NDRG2: variants seen among roughly 807,000 people sequenced by gnomAD.
The protein encoded by NDRG2 is protein NDRG2.
A neutral mutation model predicts 58.2 loss-of-function variants in NDRG2; 34 were observed. The ratio of observed to expected loss-of-function variants is 0.58; its 90% CI spans 0.44 to 0.78. The LOEUF is 0.78. NDRG2 is among the 30% of genes least tolerant of loss of function. The pLI, the probability that NDRG2 is intolerant of heterozygous loss-of-function variation, is 0.00. For missense variants in NDRG2, 434 were observed against 471.2 expected (o/e 0.92, Z 0.73); for synonymous variants, 187 against 175.9 (o/e 1.06, Z -0.50).
At chr14:21,050,492 T>TA (rs1351955009) in intron 1 of NDRG2, among the ~76,000 whole-genome samples, 1 of 152,226 alleles carries the variant, frequency 6.6e-6, no homozygotes, top group Non-Finnish European at 1.5e-5. Context: ...GAATTTGGCA[T>TA]ATCCAGAACA....
chr14:21,018,322 A>G, intron 13 of NDRG2, 83 bp from the exon 14 acceptor site: 1 of 1,605,746 alleles, frequency 6.2e-7, no homozygotes, highest in Non-Finnish European at 8.5e-7. Flanking sequence ...TCTCTTCCCT[A>G]GCTTCTTCAC....
chr14:21,064,418 C>G (rs1012120910), intron 1 of NDRG2, among the ~76,000 whole-genome samples: 1 of 152,060 alleles, frequency 6.6e-6, no homozygotes, highest in Non-Finnish European at 1.5e-5. Context: ...TCTCCTGTCT[C>G]AGCCTCCCAA....
chr14:21,020,712 A>G, intron 7 of NDRG2, 72 bp downstream of exon 7: 2 of 1,597,644 alleles, frequency 1.3e-6, no homozygotes, highest in Non-Finnish European at 8.6e-7. Context: ...TCCCCCAAAC[A>G]GCACTAATAA....
At chr14:21,033,587 A>T (rs1214211797) in intron 1 of NDRG2, 5 of 576,788 alleles carry the variant, frequency 8.7e-6, no homozygotes, top group African/African-American at 1.9e-5. Context: ...GAGAGGAAGG[A>T]TGATGAGGAG....
intron 1 of NDRG2, chr14:21,030,863 G>A (rs1466192070): frequency 2.0e-6 from 3 of 1,510,952 alleles, no homozygotes; most frequent in African/African-American, 1.4e-5. Context: ...AAGCACCACA[G>A]GGTACCTGGC....
chr14:21,044,172 G>A (rs1005332663), intron 1 of NDRG2: 6 of 167,084 alleles, frequency 3.6e-5, no homozygotes, highest in African/African-American at 1.4e-4. Context: ...GAAGAAACGA[G>A]TGCTCTGAAG....
At chr14:21,022,733 T>C in intron 3 of NDRG2, 131 bp downstream of exon 3, 2 of 812,276 alleles carry the variant, frequency 2.5e-6, no homozygotes, top group South Asian at 1.8e-5. Context: ...AGGGGAGAGA[T>C]AGGGAAGGGA....
At chr14:21,051,654 G>A (rs1885476002) in intron 1 of NDRG2, among the ~76,000 whole-genome samples, 1 of 152,198 alleles carries the variant, frequency 6.6e-6, no homozygotes, top group Admixed American at 6.5e-5. Flanking sequence ...AAATGGACCT[G>A]GCAGGAGACA....
intron 1 of NDRG2, chr14:21,036,212 G>C (rs1357912430): frequency 6.6e-6 from 3 of 456,212 alleles, no homozygotes; most frequent in East Asian, 1.4e-4. Context: ...GTCTCGCCTG[G>C]ACAGCACACA....
intron 1 of NDRG2, chr14:21,034,651 C>A: frequency 4.6e-6 from 1 of 217,876 alleles, no homozygotes; most frequent in Non-Finnish European, 9.1e-6. Context: ...AAGGAGCAGG[C>A]TGACCTGACA....
At chr14:21,069,454 C>T (rs1256323089) in intron 1 of NDRG2, among the ~76,000 whole-genome samples, 1 of 152,202 alleles carries the variant, frequency 6.6e-6, no homozygotes, top group African/African-American at 2.4e-5. Context: ...CTTCCCTCTT[C>T]TAGCCGAATA....
chr14:21,056,973 G>A (rs1255380286), intron 1 of NDRG2, among the ~76,000 whole-genome samples: 1 of 152,176 alleles, frequency 6.6e-6, no homozygotes, highest in Non-Finnish European at 1.5e-5. Context: ...CTGGAGCTGC[G>A]ATCCCTTCAC....
chr14:21,060,627 A>T (rs1298155398), intron 1 of NDRG2, among the ~76,000 whole-genome samples: 1 of 152,218 alleles, frequency 6.6e-6, no homozygotes, highest in African/African-American at 2.4e-5. Flanking sequence ...CCCAAAGTCC[A>T]GTCATACATG....
chr14:21,070,374 CG>C lies in NDRG2; in HGVS notation c.24+453del. ...CGGCCCCGCCCGCCCGACCAAGCGTCGGACGCGGCCCGGCGCCGAGCCATGG... is the reference window on the plus strand; with the variant it reads ...CGGCCCCGCCCGCCCGACCAAGCGTCGACGCGGCCCGGCGCCGAGCCATGG... On this transcript the variant is annotated intron_variant, in intron 1 of 14. Coordinates refer to the NDRG2 transcript ENST00000403829. The surrounding 1 kb of genome is among the most constrained non-coding windows in gnomAD (Gnocchi z 4.7). The C allele has an allele frequency of 7.1e-7, 1 of 1,407,466 alleles. No homozygotes were observed. The highest frequency in any genetic ancestry group is 2.3e-4 in the Middle Eastern group (1 of 4,320). 87.2% of individuals were successfully genotyped at this position (1,407,466 alleles called of 1,614,324 possible).
intron 1 of NDRG2, chr14:21,034,714 C>T (rs376499103): frequency 1.7e-5 from 3 of 171,848 alleles, no homozygotes; most frequent in East Asian, 1.6e-4. Context: ...TGGGTAGGGA[C>T]GTGTATTCTT....
rs1473683451 is a variant in NDRG2, at chr14:21,024,517, A to C, written c.-494T>G. On this transcript the variant is annotated 5_prime_UTR_variant, in exon 1 of 16. Transcript: ENST00000556147. ...TTTTTGACAGCTCTCCAGTAAGAGG[A>C]GGGTAGCAGAGCATGGCTGTTTCCC... 1.0e-6 allele frequency: 1 copy of C among 985,214 alleles called. No homozygotes were observed. The highest frequency in any genetic ancestry group is 1.2e-6 in the Non-Finnish European group (1 of 829,860). 61.0% of individuals were successfully genotyped at this position (985,214 alleles called of 1,614,324 possible). A position where few individuals can be genotyped will look rare whatever the true frequency, so the allele number is the denominator to read the frequency against.
chr14:21,021,249 C>T (rs539839647), intron 6 of NDRG2: 1 of 380,406 alleles, frequency 2.6e-6, no homozygotes. Context: ...AAAACAGACA[C>T]AATTTTAGTG....
At chr14:21,042,665 G>T (rs1884955286) in intron 1 of NDRG2, among the ~76,000 whole-genome samples, 1 of 152,102 alleles carries the variant, frequency 6.6e-6, no homozygotes, top group Non-Finnish European at 1.5e-5. Flanking sequence ...GAGAGGATGA[G>T]ACACAGACAC....
chr14:21,046,421 C>CG (rs1566498621), intron 1 of NDRG2, among the ~76,000 whole-genome samples: 1 of 151,960 alleles, frequency 6.6e-6, no homozygotes, highest in African/African-American at 2.4e-5. Flanking sequence ...ACTCCAGAGG[C>CG]TGAGGTGGCG....
Sources: allele counts gnomAD v4.1 joint callset (sites outside exome capture counted in the v4.1 genomes callset), GRCh38; gene constraint gnomAD v4.1.1; non-coding constraint Gnocchi (gnomAD v3.1); transcripts MANE v1.5; gene names NCBI Gene and HGNC (gene_info 2026-07-23, HGNC 2026-07-21).